The following CCNY variants were observed in gnomAD, a reference collection of about 807,000 sequenced individuals.
CCNY encodes cyclin-Y.
CCNY carries 19 observed loss-of-function variants against 42.8 expected under a neutral mutation model. The ratio of observed to expected loss-of-function variants is 0.44; its 90% CI spans 0.31 to 0.65. CCNY has a LOEUF of 0.65. Among genes scored for constraint, CCNY ranks in the 30% least tolerant of loss-of-function variants. CCNY has a pLI of 0.07. For missense variants in CCNY, 370 were observed against 437.3 expected, an observed-to-expected ratio of 0.85 and a Z score of 1.37; for synonymous variants, 165 against 162.7, an observed-to-expected ratio of 1.01 and a Z score of -0.11.
At chr10:35,497,901 C>T (rs1840033286) in intron 2 of CCNY, among the ~76,000 whole-genome samples, 1 of 152,082 alleles carries the variant, frequency 6.6e-6, no homozygotes, top group Non-Finnish European at 1.5e-5. Flanking sequence ...AGGACTAAGG[C>T]AGCACCTGCC....
At chr10:35,482,749 GGTGTGTGTGT>G (rs56033862) in intron 1 of CCNY, among the ~76,000 whole-genome samples, 22,432 of 128,824 alleles carry the variant, frequency 0.17, 1,878 homozygotes, top group East Asian at 0.32. Context: ...GCTGGAAATA[GGTGTGTGTGT>G]GTGTGTGTGT....
chr10:35,292,256 C>A (rs1835421740), intron 3 of CCNY, among the ~76,000 whole-genome samples: 1 of 152,138 alleles, frequency 6.6e-6, no homozygotes, highest in African/African-American at 2.4e-5. Flanking sequence ...TATATACAAG[C>A]CCCTTACCCA....
At chr10:35,413,155 G>C (rs891869334) in intron 1 of CCNY, among the ~76,000 whole-genome samples, 1 of 152,184 alleles carries the variant, frequency 6.6e-6, no homozygotes, top group Non-Finnish European at 1.5e-5. Flanking sequence ...TTGGGAGCTA[G>C]ATTAGAAGAA....
chr10:35,442,358 TCA>T (rs1176788769), intron 1 of CCNY, among the ~76,000 whole-genome samples: 2 of 152,202 alleles, frequency 1.3e-5, no homozygotes, highest in Non-Finnish European at 2.9e-5. Flanking sequence ...TAAAATTAAC[TCA>T]CAGTTTATTA....
intron 3 of CCNY, among the ~76,000 whole-genome samples, chr10:35,505,887 C>T (rs61117199): frequency 0.032 from 4,798 of 152,258 alleles, 235 homozygotes; most frequent in African/African-American, 0.11. Context: ...AGAATACTGA[C>T]TTGAATCATT....
At chr10:35,520,014 C>CTT (rs1840516331) in intron 4 of CCNY, among the ~76,000 whole-genome samples, 1 of 152,100 alleles carries the variant, frequency 6.6e-6, no homozygotes, top group African/African-American at 2.4e-5. Context: ...ATCTACCCAC[C>CTT]TTGGCCTCCC....
chr10:35,380,106 G>A lies in CCNY; in HGVS notation c.154+42899G>A, dbSNP rs114842950. Among the ~76,000 whole-genome samples, 431 of 152,318 alleles carry A rather than the reference G, an allele frequency of 2.8e-3. 2 individuals carry two copies. Among genetic ancestry groups the A allele is most frequent in the African/African-American group, 9.0e-3 (373 of 41,564 alleles). On this transcript the variant is annotated intron_variant, in intron 1 of 9. Coordinates refer to ENST00000374704, the MANE Select transcript of CCNY (RefSeq NM_145012.6). ...ACACTTGGAAGATGTTGTTTTGGAAGCGAGTAGGACTTGAACTCCAACAGA... is the reference window on the plus strand; with the variant it reads ...ACACTTGGAAGATGTTGTTTTGGAAACGAGTAGGACTTGAACTCCAACAGA...
intron 1 of CCNY, among the ~76,000 whole-genome samples, chr10:35,389,271 T>C (rs576980383): frequency 6.6e-6 from 1 of 152,228 alleles, no homozygotes; most frequent in African/African-American, 2.4e-5. Flanking sequence ...TCTACTACAT[T>C]TTACAGACTT....
chr10:35,421,776 C>T (rs139567775), intron 1 of CCNY, among the ~76,000 whole-genome samples: 154 of 152,262 alleles, frequency 1.0e-3, no homozygotes, highest in African/African-American at 3.5e-3. Flanking sequence ...TGCCCTTGCT[C>T]TTATATCCAG....
intron 3 of CCNY, among the ~76,000 whole-genome samples, chr10:35,511,946 A>G (rs564572921): frequency 2.6e-5 from 4 of 152,228 alleles, no homozygotes; most frequent in Non-Finnish European, 5.9e-5. Context: ...CTTTGTATTA[A>G]GGTGACAGTA....
At chr10:35,461,018 G>A (rs559755820) in intron 1 of CCNY, among the ~76,000 whole-genome samples, 1 of 152,250 alleles carries the variant, frequency 6.6e-6, no homozygotes, top group East Asian at 1.9e-4. Context: ...GGTGGGAGGG[G>A]CTGATGATCC....
chr10:35,514,588 C>T (rs534283711), intron 3 of CCNY, among the ~76,000 whole-genome samples: 7 of 152,308 alleles, frequency 4.6e-5, no homozygotes, highest in East Asian at 1.9e-4. Flanking sequence ...CCCATGACCC[C>T]GTGCATCACT....
intron 3 of CCNY, among the ~76,000 whole-genome samples, chr10:35,283,553 G>A (rs755180813): frequency 6.6e-6 from 1 of 152,084 alleles, no homozygotes; most frequent in Non-Finnish European, 1.5e-5. Context: ...ACAGGCACGT[G>A]CCACCACGCT....
At chr10:35,505,189 T>C (rs1840190830) in intron 3 of CCNY, among the ~76,000 whole-genome samples, 1 of 151,998 alleles carries the variant, frequency 6.6e-6, no homozygotes, top group African/African-American at 2.4e-5. Flanking sequence ...AATGTATGCT[T>C]TTTACCTTAG....
chr10:35,334,944 A>T (rs570843167), upstream of CCNY, among the ~76,000 whole-genome samples: 79 of 152,300 alleles, frequency 5.2e-4, no homozygotes, highest in African/African-American at 1.9e-3. Context: ...GGTCTGCATA[A>T]ATCAAGGCAT....
chr10:35,348,798 C>T (rs1836364386), intron 1 of CCNY, among the ~76,000 whole-genome samples: 1 of 152,124 alleles, frequency 6.6e-6, no homozygotes, highest in Admixed American at 6.5e-5. Context: ...CAGTGATTCT[C>T]AGTCAGGGAT....
At chr10:35,455,847 C>T in intron 1 of CCNY, among the ~76,000 whole-genome samples, 2 of 115,542 alleles carry the variant, frequency 1.7e-5, no homozygotes, top group Admixed American at 1.1e-4. Flanking sequence ...AAGACAGGGT[C>T]TCACTCTGTT....
Position 35,569,397 on chromosome 10 carries a change from G to T in CCNY, c.*227G>T, listed in dbSNP as rs1394417569. The T allele has an allele frequency of 3.7e-6, 2 of 545,924 alleles. No homozygotes were observed. Among genetic ancestry groups the T allele is most frequent in the Admixed American group, 3.1e-5 (1 of 32,360 alleles). 33.8% of individuals were successfully genotyped at this position (545,924 alleles called of 1,614,324 possible). On this transcript the variant is annotated 3_prime_UTR_variant, in exon 10 of 10. Coordinates refer to ENST00000374704, the MANE Select transcript of CCNY (RefSeq NM_145012.6). ...CACTGTCAGCAACAGCACTTCCTTC[G>T]TGGAGGAAGTGGACTCGAATCCTGG...
At chr10:35,310,447 C>A (rs1835669910) in intron 3 of CCNY, among the ~76,000 whole-genome samples, 1 of 152,192 alleles carries the variant, frequency 6.6e-6, no homozygotes, top group South Asian at 2.1e-4. Context: ...CTTGCTAGAT[C>A]AAAGGTAGTT....
Sources: gnomAD v4.1 joint callset for allele counts (sites outside exome capture counted in the v4.1 genomes callset) on GRCh38, gnomAD v4.1.1 for gene constraint, MANE v1.5 for transcripts, NCBI Gene and HGNC (gene_info 2026-07-23, HGNC 2026-07-21) for gene names.